MAGI1: variants seen among roughly 807,000 people sequenced by gnomAD.
The protein encoded by MAGI1 is membrane associated guanylate kinase, WW and PDZ domain containing 1, also known as membrane-associated guanylate kinase, WW and PDZ domain-containing protein 1.
Under a neutral mutation model 139.9 loss-of-function variants are expected in MAGI1, and 58 were observed. That is an observed-to-expected ratio of 0.41 (90% CI 0.34 to 0.52). The LOEUF is 0.52. Among genes scored for constraint, MAGI1 ranks in the 20% least tolerant of loss-of-function variants. The probability of loss-of-function intolerance (pLI) is 0.12; values close to 1 mark genes in which losing one functional copy is unlikely to be tolerated. For missense variants in MAGI1, 1,874 were observed against 1,901.6 expected, an observed-to-expected ratio of 0.99 and a Z score of 0.27; for synonymous variants, 812 against 737.9, an observed-to-expected ratio of 1.10 and a Z score of -1.63.
chr3:65,950,090 C>CAAAAAAAAAAAAAA (rs1269489815), intron 1 of MAGI1, among the ~76,000 whole-genome samples: 1 of 17,070 alleles, frequency 5.9e-5, no homozygotes, highest in African/African-American at 1.7e-4. Context: ...AAAAAAAAAA[C>CAAAAAAAAAAAAAA]AAACAAAAAA....
At chr3:65,483,493 C>T (rs1024676211) in intron 3 of MAGI1, among the ~76,000 whole-genome samples, 1 of 152,200 alleles carries the variant, frequency 6.6e-6, no homozygotes, top group Non-Finnish European at 1.5e-5. Context: ...AAACACAAAC[C>T]TTACAGACAG....
intron 1 of MAGI1, among the ~76,000 whole-genome samples, chr3:65,868,869 TC>T (rs2059818541): frequency 6.6e-6 from 1 of 152,144 alleles, no homozygotes; most frequent in African/African-American, 2.4e-5. Context: ...TCCACCCTGA[TC>T]ACCCCATGTA....
At chr3:65,525,064 C>T (rs1466204769) in intron 2 of MAGI1, among the ~76,000 whole-genome samples, 1 of 152,072 alleles carries the variant, frequency 6.6e-6, no homozygotes, top group Non-Finnish European at 1.5e-5. Context: ...GCTCCAGCAC[C>T]CTCAGTCATA....
chr3:65,992,382 A>G (rs956195973), intron 1 of MAGI1, among the ~76,000 whole-genome samples: 19 of 152,212 alleles, frequency 1.2e-4, no homozygotes, highest in African/African-American at 3.6e-4. Context: ...ATCCTTGAGT[A>G]CTAGCCTTTA....
intron 1 of MAGI1, among the ~76,000 whole-genome samples, chr3:65,695,901 C>G (rs2089140477): frequency 6.6e-6 from 1 of 152,142 alleles, no homozygotes; most frequent in South Asian, 2.1e-4. Flanking sequence ...ACTCTTTACT[C>G]ATCCTACATC....
chr3:65,843,999 G>T, intron 1 of MAGI1: 1 of 283,534 alleles, frequency 3.5e-6, no homozygotes, highest in Non-Finnish European at 6.9e-6. Context: ...CCAGGCCATC[G>T]AGGGTATGCA....
At chr3:65,885,271 T>A (rs566275071) in intron 1 of MAGI1, among the ~76,000 whole-genome samples, 1 of 151,800 alleles carries the variant, frequency 6.6e-6, no homozygotes, top group African/African-American at 2.4e-5. Flanking sequence ...GTGGTGCGCA[T>A]CTGTAATCCC....
At chr3:65,706,462 C>G (rs1362305562) in intron 1 of MAGI1, among the ~76,000 whole-genome samples, 1 of 152,180 alleles carries the variant, frequency 6.6e-6, no homozygotes, top group African/African-American at 2.4e-5. Flanking sequence ...GCGCCCAGCA[C>G]CTCCTGGGTG....
chr3:65,873,587 C>G (rs938269927), intron 1 of MAGI1: 1 of 152,168 alleles, frequency 6.6e-6, no homozygotes, highest in Non-Finnish European at 1.5e-5. Flanking sequence ...ATTTGGTTAT[C>G]AGGCACGTTA....
rs569362923 is a variant in MAGI1, at chr3:65,442,908, T to C, written c.1079-59A>G. The C allele has an allele frequency of 3.8e-6, 5 of 1,302,824 alleles. No individual in the cohort carries two copies. In the African/African-American group the frequency reaches 5.8e-5, roughly 15 times the overall value. The allele number at this position is 1,302,824 out of a possible 1,614,324, so 80.7% of individuals were successfully genotyped here. On this transcript the variant is annotated intron_variant, in intron 7 of 22. Coordinates refer to ENST00000402939, the MANE Select transcript of MAGI1 (RefSeq NM_001033057.2). ...GCATATTCTTGAAGAGCCTGGGTGT[T>C]TTCAACAACTGAGTTAGGCAAAAAG...
At chr3:65,922,445 G>A (rs1042597977) in intron 1 of MAGI1, among the ~76,000 whole-genome samples, 1 of 139,264 alleles carries the variant, frequency 7.2e-6, no homozygotes, top group Non-Finnish European at 1.5e-5. Flanking sequence ...ACACACAGAA[G>A]GAAGACAGCC....
intron 1 of MAGI1, among the ~76,000 whole-genome samples, chr3:65,953,014 CT>C (rs1347035710): frequency 2.0e-5 from 3 of 152,144 alleles, no homozygotes; most frequent in Non-Finnish European, 4.4e-5. Context: ...TATTATCCCC[CT>C]TTTACAGATG....
intron 1 of MAGI1, among the ~76,000 whole-genome samples, chr3:65,647,875 C>T (rs747249258): frequency 5.3e-5 from 8 of 152,160 alleles, no homozygotes; most frequent in Non-Finnish European, 8.8e-5. Context: ...ACTTTTCCCC[C>T]TCAGATTGGG....
intron 3 of MAGI1, among the ~76,000 whole-genome samples, chr3:65,492,042 G>C (rs1233493499): frequency 1.3e-5 from 2 of 152,126 alleles, no homozygotes; most frequent in African/African-American, 2.4e-5. Flanking sequence ...TCACATTAAA[G>C]CTATAATGTC....
intron 2 of MAGI1, among the ~76,000 whole-genome samples, chr3:65,520,875 C>T (rs954513173): frequency 6.6e-6 from 1 of 152,146 alleles, no homozygotes; most frequent in Non-Finnish European, 1.5e-5. Flanking sequence ...CTCAATATCA[C>T]CAACCCTCAG....
At chr3:65,481,021 C>A (rs1015885562) in intron 3 of MAGI1, among the ~76,000 whole-genome samples, 4 of 152,212 alleles carry the variant, frequency 2.6e-5, no homozygotes, top group Non-Finnish European at 5.9e-5. Flanking sequence ...GAAAACTCAA[C>A]ATACACATTT....
chr3:65,786,374 A>T (rs2039381902), intron 1 of MAGI1, among the ~76,000 whole-genome samples: 1 of 149,524 alleles, frequency 6.7e-6, no homozygotes, highest in Admixed American at 6.8e-5. Context: ...TGACATGATC[A>T]CAGCTCACTG....
intron 1 of MAGI1, among the ~76,000 whole-genome samples, chr3:65,747,900 A>G (rs2035832309): frequency 6.6e-6 from 1 of 152,244 alleles, no homozygotes; most frequent in Admixed American, 6.5e-5. Flanking sequence ...AAGCAAAGCC[A>G]GCGGGCGAGG....
intron 2 of MAGI1, among the ~76,000 whole-genome samples, chr3:65,615,559 G>A (rs1437947441): frequency 6.6e-6 from 1 of 152,152 alleles, no homozygotes; most frequent in Non-Finnish European, 1.5e-5. Flanking sequence ...CAAATATGGG[G>A]GATGCTGCTG....
Sources: allele counts gnomAD v4.1 joint callset (sites outside exome capture counted in the v4.1 genomes callset), GRCh38; gene constraint gnomAD v4.1.1; transcripts MANE v1.5; gene names NCBI Gene and HGNC (gene_info 2026-07-23, HGNC 2026-07-21).